The following STAG2 variants were observed in gnomAD, a reference collection of about 807,000 sequenced individuals.
STAG2 encodes cohesin subunit SA-2.
In STAG2, 14 loss-of-function variants were observed where a neutral mutation model predicts 108.1. The ratio of observed to expected loss-of-function variants is 0.13; its 90% CI spans 0.09 to 0.20. The LOEUF (loss-of-function observed/expected upper bound fraction) is 0.20. Among genes scored for constraint, STAG2 ranks in the 10% least tolerant of loss-of-function variants. The probability of loss-of-function intolerance (pLI) is 1.00; values close to 1 mark genes in which losing one functional copy is unlikely to be tolerated. For missense variants in STAG2, 440 were observed against 940.9 expected (o/e 0.47, Z 6.96); for synonymous variants, 307 against 302.7 (o/e 1.01, Z -0.15).
chrX:124,068,434 AT>A, intron 23 of STAG2, 129 bp from the exon 24 acceptor site: 2 of 411,850 alleles, frequency 4.9e-6, no homozygotes, highest in Non-Finnish European at 8.1e-6. Context: ...TAAGGAAGAA[AT>A]TTAAATCAAA....
At chrX:124,065,218 A>G (rs2058489304) in intron 20 of STAG2, among the ~76,000 whole-genome samples, 1 of 112,253 alleles carries the variant, frequency 8.9e-6, no homozygotes, top group African/African-American at 3.2e-5. Flanking sequence ...AAATCAAGCA[A>G]TGGTTTAATT....
chrX:123,963,666 A>G (rs763917592), intron 1 of STAG2, among the ~76,000 whole-genome samples: 12 of 109,981 alleles, frequency 1.1e-4, no homozygotes, highest in Non-Finnish European at 2.1e-4. Flanking sequence ...AGTTAATTGC[A>G]GATGTTTAAG....
At chrX:124,079,243 A>G in intron 27 of STAG2, among the ~76,000 whole-genome samples, 1 of 106,135 alleles carries the variant, frequency 9.4e-6, no homozygotes, top group East Asian at 3.1e-4. Context: ...GGTTCACGCC[A>G]TTCTCCTGCC....
At chrX:123,962,461 TAACTG>T (rs1437451680) in intron 1 of STAG2, among the ~76,000 whole-genome samples, 2 of 111,500 alleles carry the variant, frequency 1.8e-5, no homozygotes, top group Non-Finnish European at 3.8e-5. Context: ...TTTTAATCCT[TAACTG>T]TAATGGGTTA....
intron 25 of STAG2, among the ~76,000 whole-genome samples, chrX:124,073,988 G>C (rs1263536121): frequency 8.9e-6 from 1 of 112,068 alleles, no homozygotes; most frequent in African/African-American, 3.2e-5. Context: ...ATTTTACTAA[G>C]AATTTGTATC....
intron 4 of STAG2, 110 bp from the exon 5 acceptor site, chrX:124,030,851 T>C (rs745933505): frequency 2.2e-4 from 179 of 808,560 alleles, no homozygotes; most frequent in Non-Finnish European, 2.9e-4. Context: ...TGGAATTCTT[T>C]AGGGCAAGTT....
At chrX:123,984,486 C>T (rs2055059772) in intron 1 of STAG2, among the ~76,000 whole-genome samples, 1 of 110,480 alleles carries the variant, frequency 9.1e-6, no homozygotes. Flanking sequence ...TTTTTCTTCC[C>T]CCTCAATAGA....
chrX:123,970,328 C>T (rs2054302189), intron 1 of STAG2, among the ~76,000 whole-genome samples: 2 of 110,452 alleles, frequency 1.8e-5, no homozygotes, highest in African/African-American at 6.6e-5. Flanking sequence ...CTCCCCTGCA[C>T]ATCTAGAAAG....
rs146682718 is a variant in STAG2, at chrX:123,965,453, T to G, written c.-163+3597T>G. On this transcript the variant is annotated intron_variant, in intron 1 of 34. Coordinates refer to ENST00000371145, the MANE Select transcript of STAG2 (RefSeq NM_001042750.2). ...ACTTCTGCGGTCACCTGAGGACTTATGAATTAAAGTGAATGGGATGGGCTT... is the reference window on the plus strand; with the variant it reads ...ACTTCTGCGGTCACCTGAGGACTTAGGAATTAAAGTGAATGGGATGGGCTT... Among the ~76,000 whole-genome samples the G allele has an allele frequency of 9.0e-4, 101 of 111,792 alleles. 1 individual carries two copies. The East Asian group carries it at 0.02, about 22-fold the overall frequency.
intron 1 of STAG2, among the ~76,000 whole-genome samples, chrX:124,018,974 T>C (rs958336556): frequency 1.0e-4 from 11 of 110,537 alleles, no homozygotes; most frequent in African/African-American, 3.6e-4. Flanking sequence ...TTTGTTGAGC[T>C]ATGATGAACT....
At chrX:124,093,555 A>G (rs1331273858) in intron 32 of STAG2, among the ~76,000 whole-genome samples, 1 of 106,020 alleles carries the variant, frequency 9.4e-6, no homozygotes, top group African/African-American at 3.5e-5. Flanking sequence ...GAGTGCGCGC[A>G]TGCCTGGTAC....
chrX:124,051,090 T>G lies in STAG2; in HGVS notation c.1018-31T>G, dbSNP rs375809525. 80 of 866,681 alleles carry G rather than the reference T, an allele frequency of 9.2e-5. No homozygotes were observed. The African/African-American group carries it at 1.4e-3, about 15-fold the overall frequency. The allele number at this position is 866,681 out of a possible 1,213,427, so 71.4% of individuals were successfully genotyped here. A position where few individuals can be genotyped will look rare whatever the true frequency, so the allele number is the denominator to read the frequency against. Reference sequence around the variant, plus strand: ...TGAAAATACATAGAGTTTTAATGCATTGTCTCATCTTTTTTTTTTTTTTTT... The same window carrying G: ...TGAAAATACATAGAGTTTTAATGCAGTGTCTCATCTTTTTTTTTTTTTTTT... On this transcript the variant is annotated intron_variant, in intron 11 of 34. Transcript: ENST00000371145.
chrX:123,963,855 T>G, intron 1 of STAG2, among the ~76,000 whole-genome samples: 1 of 111,870 alleles, frequency 8.9e-6, no homozygotes, highest in Non-Finnish European at 1.9e-5. Context: ...ATAGTTACAT[T>G]GTTGGATTTT....
At chrX:124,079,818 T>C (rs958368371) in intron 27 of STAG2, among the ~76,000 whole-genome samples, 3 of 112,108 alleles carry the variant, frequency 2.7e-5, no homozygotes, top group African/African-American at 9.7e-5. Context: ...TTTTTATGCG[T>C]ACATGAAATC....
intron 1 of STAG2, among the ~76,000 whole-genome samples, chrX:123,989,264 C>G (rs901744019): frequency 1.8e-5 from 2 of 111,514 alleles, no homozygotes; most frequent in Admixed American, 1.9e-4. Context: ...AAATTTAGTA[C>G]AAAAGGGGTA....
intron 32 of STAG2, among the ~76,000 whole-genome samples, chrX:124,092,414 C>T (rs1163945196): frequency 9.0e-6 from 1 of 111,513 alleles, no homozygotes; most frequent in Non-Finnish European, 1.9e-5. Flanking sequence ...TCCAAGTAGT[C>T]GCCGGTCCAT....
intron 25 of STAG2, among the ~76,000 whole-genome samples, chrX:124,074,974 G>A (rs1019447960): frequency 1.8e-5 from 2 of 111,841 alleles, no homozygotes; most frequent in African/African-American, 6.5e-5. Flanking sequence ...ATATGTCTTA[G>A]GTTTCTAAGC....
Position 124,065,933 on chromosome X carries a change from A to G in STAG2, c.2083A>G (p.Thr695Ala). 8.5e-7 allele frequency: 1 copy of G among 1,172,426 alleles called. No homozygotes were observed. Among genetic ancestry groups the G allele is most frequent in the Non-Finnish European group, 1.1e-6 (1 of 876,119 alleles). Residue 695 changes from threonine (T) to alanine (A), a missense_variant, in exon 21 of 35, where the codon ACT becomes GCT. This residue lies in a region of STAG2 where 337 missense variants were observed against 649.3 expected (regional missense o/e 0.52). Coordinates refer to ENST00000371145, the MANE Select transcript of STAG2 (RefSeq NM_001042750.2). The part of the protein sequence containing the change: ...YQVLSTLKRI[T>A]AFHNAHDLSK... ...GGTATTGTCAACATTGAAGAGGATC[A>G]CTGCTTTTCATAAGTAAGTTGAATT...
intron 5 of STAG2, among the ~76,000 whole-genome samples, chrX:124,032,559 A>T: frequency 9.0e-6 from 1 of 110,986 alleles, no homozygotes; most frequent in Middle Eastern, 4.6e-3. Flanking sequence ...AAGTGAGGGT[A>T]GTATCCAGTG....
Sources: allele counts gnomAD v4.1 joint callset (sites outside exome capture counted in the v4.1 genomes callset), GRCh38; gene constraint gnomAD v4.1.1; regional missense constraint gnomAD v4.1.1; transcripts MANE v1.5; gene names NCBI Gene and HGNC (gene_info 2026-07-23, HGNC 2026-07-21).